ANK3: variants seen among roughly 807,000 people sequenced by gnomAD.
The protein encoded by ANK3 is ankyrin 3.
ANK3 carries 57 observed loss-of-function variants against 370.9 expected under a neutral mutation model. The ratio of observed to expected loss-of-function variants is 0.15; its 90% CI spans 0.12 to 0.19. The LOEUF (loss-of-function observed/expected upper bound fraction) is 0.19, where lower values mean the gene tolerates loss of function less well. ANK3 is among the 10% of genes least tolerant of loss of function. The pLI is 1.00. For missense variants in ANK3, 4,439 were observed against 5,302.1 expected (o/e 0.84, Z 5.06); for synonymous variants, 1,929 against 1,946.3 (o/e 0.99, Z 0.23).
chr10:60,197,298 T>C (rs537164778), intron 14 of ANK3, among the ~76,000 whole-genome samples: 13 of 152,316 alleles, frequency 8.5e-5, no homozygotes, highest in Middle Eastern at 6.8e-3. Context: ...CACTTGGATA[T>C]TAATAGCTGA....
At chr10:60,051,573 A>T in intron 42 of ANK3, 1 of 980,922 alleles carries the variant, frequency 1.0e-6, no homozygotes. Context: ...TGACAAATGC[A>T]TTTTTAGTAT....
At chr10:60,091,216 T>C (rs2088296952) in intron 28 of ANK3, among the ~76,000 whole-genome samples, 2 of 152,200 alleles carry the variant, frequency 1.3e-5, no homozygotes, top group Non-Finnish European at 2.9e-5. Context: ...GCATTGCTTA[T>C]AAAGACTAAA....
At chr10:60,520,094 CA>C (rs1463676292) in intron 2 of ANK3, among the ~76,000 whole-genome samples, 2 of 152,082 alleles carry the variant, frequency 1.3e-5, no homozygotes, top group Non-Finnish European at 2.9e-5. Context: ...TGGAATACTA[CA>C]TAGTCATCAA....
intron 1 of ANK3, among the ~76,000 whole-genome samples, chr10:60,627,757 A>G (rs1285687970): frequency 6.6e-6 from 1 of 152,144 alleles, no homozygotes; most frequent in Non-Finnish European, 1.5e-5. Context: ...TTTAATTAAC[A>G]TACACCTGAA....
intron 2 of ANK3, among the ~76,000 whole-genome samples, chr10:60,457,829 C>T (rs192219892): frequency 6.6e-6 from 1 of 152,088 alleles, no homozygotes; most frequent in East Asian, 1.9e-4. Flanking sequence ...TATATCCTGC[C>T]AGAAACCATT....
At chr10:60,468,973 CTA>C (rs1193671128) in intron 2 of ANK3, among the ~76,000 whole-genome samples, 1 of 47,364 alleles carries the variant, frequency 2.1e-5, no homozygotes, top group African/African-American at 8.6e-5. Context: ...TATAGGACCA[CTA>C]TATATATACC....
intron 16 of ANK3, among the ~76,000 whole-genome samples, chr10:60,192,458 G>C (rs1281175326): frequency 6.6e-6 from 1 of 150,900 alleles, no homozygotes; most frequent in Non-Finnish European, 1.5e-5. Flanking sequence ...TTATGTGCGT[G>C]TATACATATA....
chr10:60,686,707 T>C (rs1206960925), intron 1 of ANK3, among the ~76,000 whole-genome samples: 28 of 152,306 alleles, frequency 1.8e-4, no homozygotes, highest in Admixed American at 1.8e-3. Flanking sequence ...ATCATTATCC[T>C]TTGTTCATGA....
At chr10:60,181,526 G>T in intron 17 of ANK3, 99 bp from the exon 18 acceptor site, 1 of 1,141,380 alleles carries the variant, frequency 8.8e-7, no homozygotes, top group Non-Finnish European at 1.3e-6. Context: ...ATGGTAAGCC[G>T]AGAATTTCTA....
chr10:60,436,584 T>C (rs1595031644), intron 2 of ANK3, among the ~76,000 whole-genome samples: 1 of 152,248 alleles, frequency 6.6e-6, no homozygotes, highest in African/African-American at 2.4e-5. Flanking sequence ...CATGTCGTTG[T>C]TGGCCATTTG....
chr10:60,701,570 T>C (rs9415606), intron 1 of ANK3, among the ~76,000 whole-genome samples: 1 of 152,138 alleles, frequency 6.6e-6, no homozygotes, highest in Non-Finnish European at 1.5e-5. Flanking sequence ...TTCAACACAA[T>C]AGCATTTATT....
chr10:60,712,953 T>A (rs2079730505), intron 1 of ANK3, among the ~76,000 whole-genome samples: 1 of 152,102 alleles, frequency 6.6e-6, no homozygotes, highest in African/African-American at 2.4e-5. Flanking sequence ...CATCAAGATA[T>A]GTAAGGCAAA....
At chr10:60,475,389 T>C (rs1052528384) in intron 2 of ANK3, among the ~76,000 whole-genome samples, 1 of 152,198 alleles carries the variant, frequency 6.6e-6, no homozygotes, top group Non-Finnish European at 1.5e-5. Context: ...TTGCATTTCC[T>C]GTTCACTACT....
At chr10:60,381,174 T>A (rs189965555) in intron 1 of ANK3, among the ~76,000 whole-genome samples, 1 of 152,284 alleles carries the variant, frequency 6.6e-6, no homozygotes, top group Admixed American at 6.5e-5. Flanking sequence ...TCACAATACA[T>A]AAACTATATA....
chr10:60,580,437 T>A (rs1210152953), intron 2 of ANK3, among the ~76,000 whole-genome samples: 1 of 152,196 alleles, frequency 6.6e-6, no homozygotes, highest in Non-Finnish European at 1.5e-5. Flanking sequence ...CCACTGCTAT[T>A]ATAAACATAT....
chr10:60,594,069 A>G, intron 2 of ANK3, among the ~76,000 whole-genome samples: 1 of 152,234 alleles, frequency 6.6e-6, no homozygotes. Flanking sequence ...AGAGATTTAT[A>G]GAACTAAAAC....
chr10:60,323,664 G>A (rs182959902), intron 1 of ANK3, among the ~76,000 whole-genome samples: 5 of 152,210 alleles, frequency 3.3e-5, no homozygotes, highest in Admixed American at 6.5e-5. Flanking sequence ...AAGGGAAAAC[G>A]AAAAATGGAC....
chr10:60,483,755 G>A (rs2075282536), intron 2 of ANK3, among the ~76,000 whole-genome samples: 1 of 152,056 alleles, frequency 6.6e-6, no homozygotes, highest in Admixed American at 6.6e-5. Context: ...CTCACCATGG[G>A]CCCATGTCAG....
At chr10:60,507,381 C>G (rs923227509) in intron 2 of ANK3, 1 of 151,934 alleles carries the variant, frequency 6.6e-6, no homozygotes, top group African/African-American at 2.4e-5. Context: ...TTAGAATACT[C>G]GTAACATTGA....
Sources: allele counts gnomAD v4.1 joint callset (sites outside exome capture counted in the v4.1 genomes callset), GRCh38; gene constraint gnomAD v4.1.1; transcripts MANE v1.5; gene names NCBI Gene and HGNC (gene_info 2026-07-23, HGNC 2026-07-21).